Variants in TFB1M observed in about 807,000 individuals in gnomAD.
The protein encoded by TFB1M is transcription factor B1, mitochondrial, also known as dimethyladenosine transferase 1, mitochondrial.
In TFB1M, 27 loss-of-function variants were observed where a neutral mutation model predicts 31.1. The ratio of observed to expected loss-of-function variants is 0.87; its 90% CI spans 0.64 to 1.20. TFB1M has a LOEUF of 1.20. Among genes scored for constraint, TFB1M ranks in the 50% most tolerant of loss-of-function variants. TFB1M has a pLI of 0.00. For missense variants in TFB1M, 394 were observed against 418.7 expected (o/e 0.94, Z 0.51); for synonymous variants, 166 against 151.8 (o/e 1.09, Z -0.69).
intron 5 of TFB1M, among the ~76,000 whole-genome samples, chr6:155,273,807 T>C (rs1466758905): frequency 6.6e-6 from 1 of 152,176 alleles, no homozygotes; most frequent in Non-Finnish European, 1.5e-5. Flanking sequence ...CTGAACATTC[T>C]GATCTGAAAA....
the TFB1M span, chr6:155,251,071 G>T: frequency 2.6e-6 from 4 of 1,534,736 alleles, no homozygotes; most frequent in South Asian, 1.1e-5. Context: ...CTGGGATTAC[G>T]GAAGAACTTC....
chr6:155,310,686 C>G lies in TFB1M; in HGVS notation c.285+502G>C, dbSNP rs77171027. On this transcript the variant is annotated intron_variant, in intron 2 of 6. Transcript: ENST00000367166. ...CTATAAAAGTACAACTTCCTTCCTT[C>G]ACTTAAAAAATTTACCTTATAAAAG... Among the ~76,000 whole-genome samples, 1,005 of 152,252 alleles carry G rather than the reference C, an allele frequency of 6.6e-3. 13 individuals carry two copies. The highest frequency in any genetic ancestry group is 0.023 in the African/African-American group (962 of 41,554).
chr6:155,250,832 T>G, the TFB1M span: 8 of 1,387,634 alleles, frequency 5.8e-6, no homozygotes, highest in Admixed American at 1.0e-4. Context: ...TAGCAATGAC[T>G]GTGTGTACAT....
rs568873255 is a variant in TFB1M, at chr6:155,297,159, C to G, written c.395-55G>C. The stretch of plus-strand genomic sequence containing the variant: ...TGATTCCATCAATATATTCTGAATA[C>G]AATTTCAGTGACGAGTAAAATCAGA... On this transcript the variant is annotated intron_variant, in intron 3 of 6. Coordinates refer to ENST00000367166, the MANE Select transcript of TFB1M (RefSeq NM_016020.4). 3.2e-6 allele frequency: 5 copies of G among 1,567,398 alleles called. No individual in the cohort carries two copies. In the South Asian group the frequency reaches 3.4e-5, roughly 11 times the overall value.
intron 2 of TFB1M, among the ~76,000 whole-genome samples, chr6:155,308,692 T>TGG (rs1777891003): frequency 6.6e-6 from 1 of 152,256 alleles, no homozygotes; most frequent in Non-Finnish European, 1.5e-5. Context: ...CCAGTTTTTC[T>TGG]TTCCCCTAAA....
chr6:155,276,163 G>A, intron 5 of TFB1M: 2 of 1,614,084 alleles, frequency 1.2e-6, no homozygotes, highest in Non-Finnish European at 1.7e-6. Context: ...CAAACTTTCT[G>A]GATCTGACAG....
the TFB1M span, among the ~76,000 whole-genome samples, chr6:155,246,745 CT>C: frequency 6.6e-6 from 1 of 152,212 alleles, no homozygotes; most frequent in Non-Finnish European, 1.5e-5. Context: ...CAATGGCTTG[CT>C]CCATTCCTCC....
chr6:155,251,081 C>A, the TFB1M span: 1 of 1,423,742 alleles, frequency 7.0e-7, no homozygotes, highest in Non-Finnish European at 9.9e-7. Flanking sequence ...GGAAGAACTT[C>A]ACTAGCCGCA....
intron 5 of TFB1M, among the ~76,000 whole-genome samples, chr6:155,269,324 C>CTTTTCTTTT (rs532919388): frequency 6.3e-5 from 8 of 127,270 alleles, no homozygotes; most frequent in Non-Finnish European, 9.6e-5. Flanking sequence ...CTTTTCTTTT[C>CTTTTCTTTT]TTTTTTTTTT....
intron 2 of TFB1M, among the ~76,000 whole-genome samples, chr6:155,308,499 T>C (rs1445686413): frequency 2.6e-5 from 4 of 152,206 alleles, no homozygotes; most frequent in Non-Finnish European, 4.4e-5. Flanking sequence ...AAGAGCAAAC[T>C]GAGGCACAGA....
chr6:155,291,586 A>C (rs13205496), intron 4 of TFB1M, among the ~76,000 whole-genome samples: 1 of 152,228 alleles, frequency 6.6e-6, no homozygotes, highest in South Asian at 2.1e-4. Context: ...CATCTAAAGG[A>C]AAGTTTTCCA....
Position 155,314,380 on chromosome 6 carries a change from T to C in TFB1M, c.49A>G (p.Thr17Ala). 1 of 1,614,236 alleles carries C rather than the reference T, an allele frequency of 6.2e-7. No individual in the cohort carries two copies. Among genetic ancestry groups the C allele is most frequent in the South Asian group, 1.1e-5 (1 of 91,090 alleles). Residue 17 changes from threonine (T) to alanine (A), a missense_variant, in exon 1 of 7, where the codon ACG becomes GCG. Transcript: ENST00000367166. ...AACAACTTAATGATTTCTCGAATCGTGGGCAACGGAGGGAGACGGCAAGTG... is the reference window on the plus strand; with the variant it reads ...AACAACTTAATGATTTCTCGAATCGCGGGCAACGGAGGGAGACGGCAAGTG... ...LSTCRLPPLP[T>A]IREIIKLLRL...
chr6:155,284,774 T>A (rs907371771), intron 5 of TFB1M, among the ~76,000 whole-genome samples: 4 of 152,206 alleles, frequency 2.6e-5, no homozygotes, highest in African/African-American at 9.6e-5. Context: ...GTAAATAATG[T>A]TTGATGTAGC....
chr6:155,287,262 C>T (rs1356417922), intron 4 of TFB1M, among the ~76,000 whole-genome samples: 2 of 152,166 alleles, frequency 1.3e-5, no homozygotes, highest in South Asian at 4.1e-4. Flanking sequence ...TGTAAAACCT[C>T]ATGACCCTCT....
chr6:155,238,015 G>C, the TFB1M span, among the ~76,000 whole-genome samples: 1 of 152,322 alleles, frequency 6.6e-6, no homozygotes, highest in Non-Finnish European at 1.5e-5. Flanking sequence ...GCATTGTCAG[G>C]CTACAAATTT....
Position 155,311,389 on chromosome 6 carries a change from C to T in TFB1M, c.134-50G>A, listed in dbSNP as rs199572037. On this transcript the variant is annotated intron_variant, in intron 1 of 6. Transcript: ENST00000367166. ...TCTCAATTAACTTGGCAAATTTCAA[C>T]GTATGAAATTTAGAGAGAAAAATCT... 11 of 1,512,792 alleles carry T rather than the reference C, an allele frequency of 7.3e-6. No individual in the cohort carries two copies. In the East Asian group the frequency reaches 1.1e-4, roughly 16 times the overall value. 93.7% of individuals were successfully genotyped at this position (1,512,792 alleles called of 1,614,324 possible).
downstream of TFB1M, chr6:155,256,091 G>A (rs1034537304): frequency 3.3e-6 from 1 of 305,150 alleles, no homozygotes; most frequent in African/African-American, 2.3e-5. Flanking sequence ...AGATGCATAG[G>A]AATATGGTGT....
the TFB1M span, among the ~76,000 whole-genome samples, chr6:155,238,141 C>T: frequency 6.6e-6 from 1 of 152,236 alleles, no homozygotes; most frequent in Non-Finnish European, 1.5e-5. Flanking sequence ...CTTAAATCAT[C>T]TCTCAAGTTC....
chr6:155,311,095 CATA>C, intron 2 of TFB1M, 90 bp downstream of exon 2: 1 of 1,418,018 alleles, frequency 7.1e-7, no homozygotes, highest in Non-Finnish European at 9.9e-7. Flanking sequence ...GAAAAACCTA[CATA>C]ATCTTTGGAT....
Sources: allele counts gnomAD v4.1 joint callset (sites outside exome capture counted in the v4.1 genomes callset), GRCh38; gene constraint gnomAD v4.1.1; transcripts MANE v1.5; gene names NCBI Gene and HGNC (gene_info 2026-07-23, HGNC 2026-07-21).